KCNMA1: variants seen among roughly 807,000 people sequenced by gnomAD.
KCNMA1 encodes the protein Calcium-activated potassium channel subunit alpha-1.
A neutral mutation model predicts 140.0 loss-of-function variants in KCNMA1; 29 were observed. That is an observed-to-expected ratio of 0.21 (90% CI 0.15 to 0.28). KCNMA1 has a LOEUF of 0.28. KCNMA1 is among the 10% of genes least tolerant of loss of function. The probability of loss-of-function intolerance (pLI) is 1.00; values close to 1 mark genes in which losing one functional copy is unlikely to be tolerated. For missense variants in KCNMA1, 880 were observed against 1,602.2 expected (o/e 0.55, Z 7.70); for synonymous variants, 612 against 611.9 (o/e 1.00, Z 0.00).
chr10:77,397,644 T>C (rs936121223), intron 2 of KCNMA1, among the ~76,000 whole-genome samples: 15 of 152,280 alleles, frequency 9.9e-5, no homozygotes, highest in Non-Finnish European at 2.2e-4. Context: ...ATGTAAGGAG[T>C]ATGAGTGCAG....
intron 22 of KCNMA1, among the ~76,000 whole-genome samples, chr10:76,948,691 GAAATA>G (rs2065142859): frequency 6.6e-6 from 1 of 152,214 alleles, no homozygotes; most frequent in South Asian, 2.1e-4. Context: ...CTGTACAGCA[GAAATA>G]AAGAACTCTG....
chr10:77,317,205 G>T (rs758415475), intron 2 of KCNMA1, among the ~76,000 whole-genome samples: 1 of 152,066 alleles, frequency 6.6e-6, no homozygotes. Flanking sequence ...GGCCTTGAAG[G>T]GTCTTTCCAC....
At chr10:77,370,414 C>T (rs1282360888) in intron 2 of KCNMA1, among the ~76,000 whole-genome samples, 2 of 152,130 alleles carry the variant, frequency 1.3e-5, no homozygotes, top group East Asian at 1.9e-4. Context: ...AAAAAAAGCC[C>T]TTCCACATAT....
chr10:77,209,004 G>A (rs1306356114), intron 3 of KCNMA1, among the ~76,000 whole-genome samples: 1 of 152,120 alleles, frequency 6.6e-6, no homozygotes, highest in Non-Finnish European at 1.5e-5. Flanking sequence ...ATGCTTAAAT[G>A]GCACCTACCA....
intron 5 of KCNMA1, among the ~76,000 whole-genome samples, chr10:77,140,033 T>A (rs952170418): frequency 1.6e-4 from 24 of 152,250 alleles, no homozygotes; most frequent in Non-Finnish European, 8.8e-5. Flanking sequence ...CTGAAATATA[T>A]TCTTTAATAG....
chr10:77,453,362 AAT>A (rs777842634), intron 1 of KCNMA1, among the ~76,000 whole-genome samples: 2,972 of 57,862 alleles, frequency 0.051, 75 homozygotes, highest in African/African-American at 0.11. Context: ...AAAATAAATA[AAT>A]ATAAATAAAT....
At chr10:76,887,841 A>AG (rs1355901841) in intron 27 of KCNMA1, 3 of 365,666 alleles carry the variant, frequency 8.2e-6, no homozygotes, top group African/African-American at 6.2e-5. Context: ...CAACCGCAAG[A>AG]GGTTTCATGA....
At chr10:76,936,413 C>T (rs1310643710) in intron 23 of KCNMA1, among the ~76,000 whole-genome samples, 1 of 152,180 alleles carries the variant, frequency 6.6e-6, no homozygotes, top group Non-Finnish European at 1.5e-5. Flanking sequence ...ATTTATAAAT[C>T]TCTAAACAGT....
intron 14 of KCNMA1, among the ~76,000 whole-genome samples, chr10:77,045,166 G>A (rs1735636274): frequency 1.3e-5 from 2 of 152,184 alleles, no homozygotes; most frequent in African/African-American, 4.8e-5. Context: ...CCCCACATTT[G>A]TGTTGTCAAT....
chr10:76,899,188 T>C (rs550428214), intron 25 of KCNMA1, among the ~76,000 whole-genome samples: 1 of 152,226 alleles, frequency 6.6e-6, no homozygotes, highest in Admixed American at 6.5e-5. Flanking sequence ...AACATGTAAA[T>C]AGGCCATTTA....
intron 2 of KCNMA1, among the ~76,000 whole-genome samples, chr10:77,393,984 C>T (rs939626504): frequency 1.3e-5 from 2 of 152,200 alleles, no homozygotes; most frequent in Non-Finnish European, 2.9e-5. Flanking sequence ...GTGCTACGCT[C>T]AGTTCTGTAT....
At chr10:77,238,225 C>T (rs948962596) in intron 3 of KCNMA1, among the ~76,000 whole-genome samples, 5 of 152,174 alleles carry the variant, frequency 3.3e-5, no homozygotes, top group South Asian at 4.1e-4. Context: ...CTCTTCCTCT[C>T]CAATGGAGGG....
At position 77,198,922 on chromosome 10, in the gene KCNMA1, C is replaced by T. The variant is rs903337211; in HGVS notation, c.603-14006G>A. 2.6e-5 allele frequency among the ~76,000 whole-genome samples: 4 copies of T among 152,204 alleles called. No homozygotes were observed. In the East Asian group the frequency reaches 5.8e-4, roughly 22 times the overall value. ...AGGAGTTCAGCCTTCTGATTCCCTG[C>T]GTGTATGATGGAGGCCTTGATAGGG... is the stretch of plus-strand genomic sequence containing the variant. On this transcript the variant is annotated intron_variant, in intron 3 of 27. Transcript: ENST00000286628.
intron 2 of KCNMA1, among the ~76,000 whole-genome samples, chr10:77,336,588 T>C (rs1449081897): frequency 6.6e-6 from 1 of 152,188 alleles, no homozygotes; most frequent in Non-Finnish European, 1.5e-5. Context: ...AAAAAGTCGA[T>C]GCACAAGATT....
At chr10:77,366,345 C>A (rs35779) in intron 2 of KCNMA1, among the ~76,000 whole-genome samples, 1 of 151,974 alleles carries the variant, frequency 6.6e-6, no homozygotes, top group African/African-American at 2.4e-5. Flanking sequence ...ATTTTTGTAT[C>A]TTTATTAGAG....
chr10:76,941,069 A>AAGAAAGAAAGAAAGAAAGAAAGAAAGAG (rs1554961013), intron 23 of KCNMA1, among the ~76,000 whole-genome samples: 1 of 68,808 alleles, frequency 1.5e-5, no homozygotes, highest in Non-Finnish European at 3.1e-5. Flanking sequence ...GAAAGAAAGA[A>AAGAAAGAAAGAAAGAAAGAAAGAAAGAG]AAAGAAAGAA....
At chr10:77,066,729 CA>C (rs1417345695) in intron 14 of KCNMA1, among the ~76,000 whole-genome samples, 1 of 152,142 alleles carries the variant, frequency 6.6e-6, no homozygotes, top group East Asian at 1.9e-4. Flanking sequence ...GTCATAATGC[CA>C]TCTGTGGTTA....
chr10:76,911,734 C>T (rs2050360103), intron 24 of KCNMA1: 2 of 152,242 alleles, frequency 1.3e-5, no homozygotes, highest in South Asian at 4.1e-4. Context: ...CACTGAAGGT[C>T]TTGCTCAGGG....
At chr10:77,298,288 G>C (rs190248322) in intron 2 of KCNMA1, among the ~76,000 whole-genome samples, 111 of 152,216 alleles carry the variant, frequency 7.3e-4, no homozygotes, top group Admixed American at 1.7e-3. Flanking sequence ...CAACGCCCAG[G>C]CTGGAGTGCA....
Sources: allele counts gnomAD v4.1 joint callset (sites outside exome capture counted in the v4.1 genomes callset), GRCh38; gene constraint gnomAD v4.1.1; transcripts MANE v1.5; gene names NCBI Gene and HGNC (gene_info 2026-07-23, HGNC 2026-07-21).